Variants in ATP6V1C1 observed in about 807,000 individuals in gnomAD.
ATP6V1C1 encodes the protein V-type proton ATPase subunit C 1.
In ATP6V1C1, 45 loss-of-function variants were observed where a neutral mutation model predicts 53.9. The ratio of observed to expected loss-of-function variants is 0.83; its 90% confidence interval spans 0.66 to 1.07. The LOEUF (loss-of-function observed/expected upper bound fraction) is 1.07, where lower values mean the gene tolerates loss of function less well. Among genes scored for constraint, ATP6V1C1 ranks in the 50% least tolerant of loss-of-function variants. ATP6V1C1 has a pLI of 0.00. For synonymous variants in ATP6V1C1, 153 were observed against 155.2 expected (o/e 0.99, Z 0.11); for missense variants, 315 against 440.3 (o/e 0.72, Z 2.55).
chr8:103,058,000 G>T (rs3779906), intron 8 of ATP6V1C1, among the ~76,000 whole-genome samples: 16,527 of 152,224 alleles, frequency 0.11, 1,264 homozygotes, highest in African/African-American at 0.21. Flanking sequence ...GAGGCAGGTA[G>T]AGGAGGAGAG....
intron 2 of ATP6V1C1, 34 bp from the exon 3 acceptor site, chr8:103,042,297 TAAAAAAGCA>T: frequency 6.7e-7 from 1 of 1,486,424 alleles, no homozygotes; most frequent in Admixed American, 1.9e-5. Flanking sequence ...TTTTTTTTTT[TAAAAAAGCA>T]TGCCACCTAA....
At chr8:103,032,005 AAAAAAACAAAAAAC>A (rs757268792) in intron 1 of ATP6V1C1, among the ~76,000 whole-genome samples, 3 of 84,976 alleles carry the variant, frequency 3.5e-5, no homozygotes, top group Non-Finnish European at 5.8e-5. Context: ...ATATTGTAAA[AAAAAAACAAAAAAC>A]AAAAAACAAA....
chr8:103,032,678 A>C (rs1430313318), intron 1 of ATP6V1C1, among the ~76,000 whole-genome samples: 1 of 152,050 alleles, frequency 6.6e-6, no homozygotes, highest in Non-Finnish European at 1.5e-5. Context: ...GGGTTTCAGC[A>C]TGTTGGCTAG....
In ATP6V1C1 at chr8:103,072,639, T is replaced by C. The variant is rs1468588898; in HGVS notation, c.*3892T>C. On this transcript the variant is annotated 3_prime_UTR_variant, in exon 13 of 13. Coordinates refer to ENST00000518738, the MANE Select transcript of ATP6V1C1 (RefSeq NM_001695.5). ...CTAGCATAGATAACAATTGATTCTT[T>C]AGATTCATATATGGAGGTAATTCTT... 20 of 152,248 alleles carry C rather than the reference T, an allele frequency of 1.3e-4. No individual in the cohort carries two copies. Among genetic ancestry groups the C allele is most frequent in the Admixed American group, 1.3e-3 (20 of 15,284 alleles). 9.4% of individuals were successfully genotyped at this position (152,248 alleles called of 1,614,324 possible).
chr8:103,065,280 G>A (rs1408770847), intron 11 of ATP6V1C1, among the ~76,000 whole-genome samples: 4 of 152,332 alleles, frequency 2.6e-5, no homozygotes, highest in East Asian at 1.9e-4. Context: ...AACTTGGCCG[G>A]GTGCAGTGGC....
intron 1 of ATP6V1C1, among the ~76,000 whole-genome samples, chr8:103,039,177 T>C (rs1179028878): frequency 6.6e-6 from 1 of 152,236 alleles, no homozygotes; most frequent in Non-Finnish European, 1.5e-5. Context: ...GATATTTACC[T>C]CGTAGAGGTG....
chr8:103,045,693 G>T (rs1817081784), intron 3 of ATP6V1C1, among the ~76,000 whole-genome samples: 1 of 152,178 alleles, frequency 6.6e-6, no homozygotes, highest in East Asian at 1.9e-4. Flanking sequence ...TGTAATCCCA[G>T]CACTTTGGGA....
rs1044553875 is a variant in ATP6V1C1 at position 103,072,134 on chromosome 8, A to G, written c.*3387A>G. ...CTTTGAAATCTTCGTGGAACAAAAG[A>G]TATTTGTGGAACCAATCTTTGTGGA... On this transcript the variant is annotated 3_prime_UTR_variant, in exon 13 of 13. Coordinates refer to ENST00000518738, the MANE Select transcript of ATP6V1C1 (RefSeq NM_001695.5). 2.6e-5 allele frequency: 4 copies of G among 152,228 alleles called. No homozygotes were observed. Among genetic ancestry groups the G allele is most frequent in the African/African-American group, 9.6e-5 (4 of 41,464 alleles). The allele number at this position is 152,228 out of a possible 1,614,324, so 9.4% of individuals were successfully genotyped here.
intron 1 of ATP6V1C1, among the ~76,000 whole-genome samples, chr8:103,032,026 C>CA (rs770295683): frequency 2.7e-5 from 4 of 146,410 alleles, no homozygotes; most frequent in East Asian, 2.0e-4. Context: ...AAACAAAAAA[C>CA]AAAAAAAACC....
chr8:103,031,857 T>A (rs561910365), intron 1 of ATP6V1C1, among the ~76,000 whole-genome samples: 2 of 151,694 alleles, frequency 1.3e-5, no homozygotes, highest in East Asian at 1.9e-4. Context: ...GCAAAAAAAA[T>A]TGAGGAAAAA....
intron 8 of ATP6V1C1, among the ~76,000 whole-genome samples, chr8:103,057,656 C>T (rs1255990331): frequency 1.3e-5 from 2 of 152,198 alleles, no homozygotes; most frequent in Non-Finnish European, 2.9e-5. Flanking sequence ...AGTCTTTTAA[C>T]TTCTCTGGGC....
At chr8:103,058,296 C>T (rs906750454) in intron 8 of ATP6V1C1, among the ~76,000 whole-genome samples, 4 of 152,192 alleles carry the variant, frequency 2.6e-5, no homozygotes, top group African/African-American at 4.8e-5. Flanking sequence ...TCAGTGAAAA[C>T]ATCTTTTCTA....
intron 1 of ATP6V1C1, among the ~76,000 whole-genome samples, chr8:103,036,057 CAG>C (rs1816893575): frequency 1.3e-5 from 2 of 152,268 alleles, no homozygotes; most frequent in African/African-American, 4.8e-5. Context: ...TGGAACCAAA[CAG>C]GGTGAAGGTG....
chr8:103,042,551 TA>T, intron 3 of ATP6V1C1, 144 bp downstream of exon 3: 2 of 695,194 alleles, frequency 2.9e-6, no homozygotes, highest in Admixed American at 2.8e-5. Context: ...ATATCAATTT[TA>T]TGAAGGTACA....
At position 103,022,675 on chromosome 8, in the gene ATP6V1C1, C is replaced by G. The variant is rs556018989; in HGVS notation, c.-40+1450C>G. 2.0e-5 allele frequency among the ~76,000 whole-genome samples: 3 copies of G among 152,194 alleles called. No homozygotes were observed. The South Asian group carries it at 6.2e-4, about 32-fold the overall frequency. ...AACAATTTTATTTATATTCTTCATA[C>G]CCTCTCGCTCTGAGAGGGTATGACT... On this transcript the variant is annotated intron_variant, in intron 1 of 12. Transcript: ENST00000518738.
chr8:103,031,359 G>C (rs1240010139), intron 1 of ATP6V1C1, among the ~76,000 whole-genome samples: 1 of 152,124 alleles, frequency 6.6e-6, no homozygotes, highest in Non-Finnish European at 1.5e-5. Context: ...AAAGAAAAGA[G>C]GTTTTTTTGG....
chr8:103,031,864 A>G (rs1333622399), intron 1 of ATP6V1C1, among the ~76,000 whole-genome samples: 1 of 152,214 alleles, frequency 6.6e-6, no homozygotes, highest in African/African-American at 2.4e-5. Context: ...AAATTGAGGA[A>G]AAATAATGGC....
intron 10 of ATP6V1C1, 22 bp from the exon 11 acceptor site, chr8:103,064,692 G>C: frequency 6.3e-7 from 1 of 1,593,986 alleles, no homozygotes; most frequent in Non-Finnish European, 8.5e-7. Context: ...CAAATTTGTG[G>C]TAATTTTTTT....
intron 1 of ATP6V1C1, among the ~76,000 whole-genome samples, chr8:103,027,421 T>C (rs1000292812): frequency 1.3e-5 from 2 of 152,220 alleles, no homozygotes; most frequent in Non-Finnish European, 2.9e-5. Context: ...TGCCCCTATC[T>C]TGGGTCAATC....
Sources: allele counts gnomAD v4.1 joint callset (sites outside exome capture counted in the v4.1 genomes callset), GRCh38; gene constraint gnomAD v4.1.1; transcripts MANE v1.5; gene names NCBI Gene and HGNC (gene_info 2026-07-23, HGNC 2026-07-21).